Variants in EIF4G3 observed in about 807,000 individuals in gnomAD.
The protein encoded by EIF4G3 is eIF-4-gamma 3.
EIF4G3 carries 34 observed loss-of-function variants against 186.4 expected under a neutral mutation model. The ratio of observed to expected loss-of-function variants is 0.18; its 90% confidence interval spans 0.14 to 0.24. The LOEUF is 0.24. Ranked by LOEUF, EIF4G3 falls within the 10% of genes least tolerant of loss-of-function variation. The pLI is 1.00. For synonymous variants in EIF4G3, 673 were observed against 679.5 expected, an observed-to-expected ratio of 0.99 and a Z score of 0.15; for missense variants, 1,536 against 1,948.5, an observed-to-expected ratio of 0.79 and a Z score of 3.99.
At chr1:20,898,953 C>A (rs2089394081) in intron 16 of EIF4G3, among the ~76,000 whole-genome samples, 1 of 152,190 alleles carries the variant, frequency 6.6e-6, no homozygotes, top group African/African-American at 2.4e-5. Flanking sequence ...TAGTCTCGAA[C>A]TCCCAACCTC....
rs1045921517 is a variant in EIF4G3, at chr1:20,982,448, A to T, written c.178-40T>A. The T allele has an allele frequency of 2.0e-6, 3 of 1,512,238 alleles. No homozygotes were observed. The African/African-American group carries it at 4.2e-5, about 21-fold the overall frequency. The allele number at this position is 1,512,238 out of a possible 1,614,324, so 93.7% of individuals were successfully genotyped here. ...CAAGAAAGCAGCAGGAAACAGAAAG[A>T]AAGCCAATGGAAAAGCTTACAGATC... is the stretch of plus-strand genomic sequence containing the variant. On this transcript the variant is annotated intron_variant, in intron 7 of 36. Transcript: ENST00000602326.
At chr1:21,164,263 T>C (rs191898032) in intron 2 of EIF4G3, among the ~76,000 whole-genome samples, 3 of 152,308 alleles carry the variant, frequency 2.0e-5, no homozygotes, top group East Asian at 3.9e-4. Flanking sequence ...CTCTATTTTT[T>C]ACAAAACTAC....
At chr1:21,156,975 G>A (rs1032661612) in intron 2 of EIF4G3, among the ~76,000 whole-genome samples, 1 of 152,048 alleles carries the variant, frequency 6.6e-6, no homozygotes, top group Non-Finnish European at 1.5e-5. Flanking sequence ...GAAGTACTGC[G>A]TGAGCCTGAG....
intron 7 of EIF4G3, among the ~76,000 whole-genome samples, chr1:20,983,850 G>A (rs777338375): frequency 6.6e-6 from 1 of 152,122 alleles, no homozygotes; most frequent in Non-Finnish European, 1.5e-5. Flanking sequence ...GGTAAGGAGA[G>A]GAGAAAGAAA....
chr1:20,910,722 A>C (rs2093059208), intron 14 of EIF4G3, among the ~76,000 whole-genome samples: 2 of 152,366 alleles, frequency 1.3e-5, no homozygotes, highest in South Asian at 4.1e-4. Flanking sequence ...TTTATGAGCC[A>C]CTTCTAGTAG....
intron 2 of EIF4G3, among the ~76,000 whole-genome samples, chr1:21,170,588 T>C (rs2097941982): frequency 1.3e-5 from 2 of 152,046 alleles, no homozygotes; most frequent in Non-Finnish European, 2.9e-5. Flanking sequence ...GGAGAATCAC[T>C]TGAACCCAGG....
rs188255871 is a variant in EIF4G3 at position 20,937,706 on chromosome 1, T to C, written c.1663+3785A>G. 2.4e-4 allele frequency among the ~76,000 whole-genome samples: 36 copies of C among 152,318 alleles called. 1 individual carries two copies. The East Asian group carries it at 6.4e-3, about 27-fold the overall frequency. On this transcript the variant is annotated intron_variant, in intron 14 of 36. Coordinates refer to ENST00000602326, the MANE Select transcript of EIF4G3 (RefSeq NM_001391906.1). ...TTAATGTTACATACTATACATCATA[T>C]ACATTCCTAAAATTGTAGAAAACAA...
chr1:20,950,055 G>C lies in EIF4G3; in HGVS notation c.771C>G (p.Ser257Arg), dbSNP rs372335024. 1 of 1,613,350 alleles carries C rather than the reference G, an allele frequency of 6.2e-7. No homozygotes were observed. Among genetic ancestry groups the C allele is most frequent in the Non-Finnish European group, 8.5e-7 (1 of 1,179,642 alleles). The change falls in exon 13 of 37, where the codon AGC becomes AGG. Residue 257 changes from serine to arginine, a missense_variant. Ser to Arg is a moderately radical substitution (Grantham distance 110, BLOSUM62 -1). Around this residue, in one of 11 missense-constraint regions of EIF4G3, gnomAD observed 560 missense variants for 547.8 expected, o/e 1.02. Coordinates refer to ENST00000602326, the MANE Select transcript of EIF4G3 (RefSeq NM_001391906.1). ...CAGGGGTGCTGGCAGCAAGATGAGC[G>C]CTCTCCACAGTCCCATAAACCACAG... is the stretch of plus-strand genomic sequence containing the variant. ...HSPVVYGTVESAHLAASTPVT... is the reference protein window; with the variant it reads ...HSPVVYGTVERAHLAASTPVT...
At chr1:20,851,219 A>T in intron 28 of EIF4G3, 39 bp downstream of exon 28, 1 of 1,584,958 alleles carries the variant, frequency 6.3e-7, no homozygotes, top group Non-Finnish European at 8.6e-7. Context: ...TTCCAAATTT[A>T]AAACCCAAAT....
intron 2 of EIF4G3, among the ~76,000 whole-genome samples, chr1:21,093,519 CAAACATTGTGGA>C (rs2096266784): frequency 1.5e-4 from 23 of 152,134 alleles, no homozygotes; most frequent in Admixed American, 1.5e-3. Flanking sequence ...TAAACTAGTT[CAAACATTGTGGA>C]AGACAGTGTG....
At chr1:21,024,429 G>C (rs1053503465) in intron 4 of EIF4G3, among the ~76,000 whole-genome samples, 11 of 152,228 alleles carry the variant, frequency 7.2e-5, no homozygotes, top group African/African-American at 2.7e-4. Flanking sequence ...GATGACAATG[G>C]CGGCTTTGTG....
intron 4 of EIF4G3, among the ~76,000 whole-genome samples, chr1:21,006,894 A>G (rs555680040): frequency 6.6e-6 from 1 of 152,352 alleles, no homozygotes; most frequent in Non-Finnish European, 1.5e-5. Flanking sequence ...AAAAATAATT[A>G]TAACATAAAA....
intron 11 of EIF4G3, among the ~76,000 whole-genome samples, chr1:20,972,020 GTC>G (rs1301931599): frequency 6.6e-6 from 1 of 152,150 alleles, no homozygotes; most frequent in Non-Finnish European, 1.5e-5. Flanking sequence ...GAATGTGGGA[GTC>G]TCTCTTGAAT....
chr1:21,114,198 G>A (rs2096777554), intron 2 of EIF4G3, among the ~76,000 whole-genome samples: 1 of 151,422 alleles, frequency 6.6e-6, no homozygotes, highest in Non-Finnish European at 1.5e-5. Context: ...CCAGGCTGGA[G>A]TGCAGTGGCG....
At chr1:21,013,752 A>G (rs906694450) in intron 4 of EIF4G3, among the ~76,000 whole-genome samples, 4 of 152,250 alleles carry the variant, frequency 2.6e-5, no homozygotes, top group African/African-American at 9.6e-5. Flanking sequence ...AACACAGAAA[A>G]GGTCAACAAG....
chr1:20,987,544 T>C (rs971370847), intron 7 of EIF4G3, among the ~76,000 whole-genome samples: 1 of 152,246 alleles, frequency 6.6e-6, no homozygotes, highest in Non-Finnish European at 1.5e-5. Context: ...AATTTTTTCA[T>C]TATTATTATA....
chr1:20,869,026 G>A (rs1307232640), intron 20 of EIF4G3, among the ~76,000 whole-genome samples: 1 of 152,154 alleles, frequency 6.6e-6, no homozygotes, highest in Non-Finnish European at 1.5e-5. Context: ...TCAAATTCTA[G>A]AGAATCATCA....
intron 7 of EIF4G3, among the ~76,000 whole-genome samples, chr1:20,986,326 T>C (rs2079451961): frequency 6.6e-6 from 1 of 152,248 alleles, no homozygotes; most frequent in Non-Finnish European, 1.5e-5. Flanking sequence ...TGATTGGTAC[T>C]GACACTCATT....
intron 26 of EIF4G3, among the ~76,000 whole-genome samples, chr1:20,854,225 G>A (rs944402788): frequency 1.1e-4 from 16 of 151,996 alleles, no homozygotes; most frequent in Admixed American, 5.2e-4. Context: ...TCTGATTTTC[G>A]AAAAAGATTT....
Sources: gnomAD v4.1 joint callset for allele counts (sites outside exome capture counted in the v4.1 genomes callset) on GRCh38, gnomAD v4.1.1 for gene constraint, gnomAD v4.1.1 regional missense constraint, MANE v1.5 for transcripts, NCBI Gene and HGNC (gene_info 2026-07-23, HGNC 2026-07-21) for gene names.